C4orf51: variants seen among roughly 807,000 people sequenced by gnomAD.
The protein encoded by C4orf51 is chromosome 4 open reading frame 51, also known as uncharacterized protein C4orf51.
Under a neutral mutation model 25.2 loss-of-function variants are expected in C4orf51, and 25 were observed. That is an observed-to-expected ratio of 0.99 (90% CI 0.72 to 1.39). The LOEUF (loss-of-function observed/expected upper bound fraction) is 1.39, where lower values mean the gene tolerates loss of function less well. Ranked by LOEUF, C4orf51 falls within the 40% of genes most tolerant of loss-of-function variation. C4orf51 has a pLI of 0.00. For synonymous variants in C4orf51, 100 were observed against 84.5 expected (o/e 1.18, Z -1.01); for missense variants, 252 against 239.6 (o/e 1.05, Z -0.34).
At chr4:145,685,475 C>T (rs1021199197) in intron 1 of C4orf51, among the ~76,000 whole-genome samples, 1 of 152,150 alleles carries the variant, frequency 6.6e-6, no homozygotes, top group Non-Finnish European at 1.5e-5. Flanking sequence ...CAATTCCTGT[C>T]CCTTTTAAGG....
intron 1 of C4orf51, among the ~76,000 whole-genome samples, chr4:145,684,210 C>T (rs969751037): frequency 2.6e-5 from 4 of 152,146 alleles, no homozygotes; most frequent in South Asian, 2.1e-4. Context: ...TGGCCGGGCA[C>T]GGTGGCTCAC....
At chr4:145,685,534 C>G (rs766246339) in intron 1 of C4orf51, among the ~76,000 whole-genome samples, 19 of 152,134 alleles carry the variant, frequency 1.2e-4, no homozygotes, top group Admixed American at 3.3e-4. Flanking sequence ...CTCAATTGAG[C>G]AAGCAGCGGG....
chr4:145,719,337 G>T (rs1290208196), intron 2 of C4orf51, among the ~76,000 whole-genome samples: 1 of 152,140 alleles, frequency 6.6e-6, no homozygotes, highest in Non-Finnish European at 1.5e-5. Context: ...CAGGCATGGT[G>T]GCTCACACCT....
At chr4:145,745,545 A>T (rs1424587014) in intron 1 of C4orf51, among the ~76,000 whole-genome samples, 1 of 152,174 alleles carries the variant, frequency 6.6e-6, no homozygotes, top group African/African-American at 2.4e-5. Flanking sequence ...GTTGCAAATG[A>T]TTGGATCTCA....
chr4:145,726,635 G>A (rs1363204568), intron 2 of C4orf51, among the ~76,000 whole-genome samples: 15 of 152,084 alleles, frequency 9.9e-5, no homozygotes, highest in Admixed American at 8.5e-4. Context: ...TTGAACTCCT[G>A]GCCTCAAGTG....
At chr4:145,718,448 T>G (rs768580660) in intron 2 of C4orf51, among the ~76,000 whole-genome samples, 2 of 152,224 alleles carry the variant, frequency 1.3e-5, no homozygotes, top group Non-Finnish European at 2.9e-5. Context: ...TCAAGAGTAT[T>G]TGTGCCCATT....
Position 145,729,168 on chromosome 4 carries a change from G to T in C4orf51, c.367-1G>T. On this transcript the variant is annotated splice_acceptor_variant, in intron 3 of 5. Transcript: ENST00000438731. LOFTEE classifies it high-confidence loss of function. ...TTTATTTCTATCTCTCCTTTTTATAGGCACATCAAATTTGGGATTTTGGTG... is the reference window on the plus strand; with the variant it reads ...TTTATTTCTATCTCTCCTTTTTATATGCACATCAAATTTGGGATTTTGGTG... The T allele has an allele frequency of 6.3e-7, 1 of 1,591,886 alleles. No individual in the cohort carries two copies. The highest frequency in any genetic ancestry group is 8.6e-7 in the Non-Finnish European group (1 of 1,161,344).
intron 1 of C4orf51, among the ~76,000 whole-genome samples, chr4:145,681,897 C>G (rs1728862817): frequency 6.6e-6 from 1 of 152,180 alleles, no homozygotes; most frequent in Admixed American, 6.5e-5. Flanking sequence ...GATTAAATTT[C>G]TAACACATGA....
chr4:145,761,698 T>C lies in C4orf51; in HGVS notation n.167-9290T>C. The C allele has an allele frequency of 1.3e-6, 1 of 745,580 alleles. No homozygotes were observed. Among genetic ancestry groups the C allele is most frequent in the South Asian group, 1.7e-5 (1 of 58,224 alleles). The allele number at this position is 745,580 out of a possible 1,614,324, so 46.2% of individuals were successfully genotyped here. On this transcript the variant is annotated intron_variant and non_coding_transcript_variant, in intron 1 of 1. Transcript: ENST00000510096. The surrounding 1 kb of genome is among the most constrained non-coding windows in gnomAD (Gnocchi z 6.8). ...AGCCTTCCCTCACACCACCCCCCAG[T>C]GTCTGAGGCCTGGCCTGCCCAGCCC...
intron 1 of C4orf51, among the ~76,000 whole-genome samples, chr4:145,770,694 A>G (rs1279759263): frequency 6.6e-6 from 1 of 152,140 alleles, no homozygotes; most frequent in Non-Finnish European, 1.5e-5. Flanking sequence ...AAATATTTGC[A>G]TTGTTTTAAA....
chr4:145,686,319 G>A (rs975770305), intron 1 of C4orf51, among the ~76,000 whole-genome samples: 1 of 152,192 alleles, frequency 6.6e-6, no homozygotes, highest in Non-Finnish European at 1.5e-5. Context: ...AAGTTCTAGA[G>A]ATGGATAGTA....
intron 1 of C4orf51, chr4:145,764,882 C>G (rs752150347): frequency 2.5e-5 from 38 of 1,518,662 alleles, no homozygotes; most frequent in Middle Eastern, 1.9e-4. Flanking sequence ...TACCAAGCTC[C>G]CCTTCTCCAT....
intron 2 of C4orf51, among the ~76,000 whole-genome samples, chr4:145,720,443 G>A (rs192462748): frequency 1.3e-5 from 2 of 152,232 alleles, no homozygotes; most frequent in East Asian, 1.9e-4. Context: ...CCCCAAAGGA[G>A]CCCTAGGTCT....
downstream of C4orf51, among the ~76,000 whole-genome samples, chr4:145,756,472 C>G (rs1733961453): frequency 6.6e-6 from 1 of 152,164 alleles, no homozygotes; most frequent in African/African-American, 2.4e-5. Flanking sequence ...CTGTCATGAA[C>G]AGTTCTGTTT....
the C4orf51 span, among the ~76,000 whole-genome samples, chr4:145,789,881 G>A: frequency 7.7e-4 from 117 of 152,326 alleles, 2 homozygotes; most frequent in African/African-American, 2.7e-3. Context: ...GGGCCTGCCT[G>A]GAGAGAGAAT....
intron 2 of C4orf51, among the ~76,000 whole-genome samples, chr4:145,704,097 G>C (rs1730642279): frequency 6.6e-6 from 1 of 152,222 alleles, no homozygotes. Context: ...TAGTGGCAAG[G>C]CAGGTTTAGA....
chr4:145,716,517 A>C (rs1273930517), intron 2 of C4orf51, among the ~76,000 whole-genome samples: 1 of 152,250 alleles, frequency 6.6e-6, no homozygotes, highest in Non-Finnish European at 1.5e-5. Flanking sequence ...GATTTTGAGA[A>C]GAGAACACAA....
At chr4:145,781,218 GA>G in the C4orf51 span, among the ~76,000 whole-genome samples, 3 of 70,854 alleles carry the variant, frequency 4.2e-5, no homozygotes, top group East Asian at 3.9e-4. Context: ...AAAAAAAAAA[GA>G]AAAAAAAAGA....
downstream of C4orf51, among the ~76,000 whole-genome samples, chr4:145,737,368 C>T (rs4835254): frequency 0.97 from 147,135 of 152,354 alleles, 71,094 homozygotes; most frequent in East Asian, 1. Context: ...TATGCAAAGG[C>T]AAAATGGAAT....
Sources: allele counts gnomAD v4.1 joint callset (sites outside exome capture counted in the v4.1 genomes callset), GRCh38; gene constraint gnomAD v4.1.1; non-coding constraint Gnocchi (gnomAD v3.1); transcripts MANE v1.5; gene names NCBI Gene and HGNC (gene_info 2026-07-23, HGNC 2026-07-21).